Variants in ETV3 observed in about 807,000 individuals in gnomAD.
ETV3 encodes the protein ETS translocation variant 3.
Under a neutral mutation model 33.0 loss-of-function variants are expected in ETV3, and 8 were observed. That is an observed-to-expected ratio of 0.24 (90% CI 0.14 to 0.44). ETV3 has a LOEUF of 0.44. ETV3 is among the 20% of genes least tolerant of loss of function. The pLI, the probability that ETV3 is intolerant of heterozygous loss-of-function variation, is 1.00. For missense variants in ETV3, 473 were observed against 652.3 expected, an observed-to-expected ratio of 0.73 and a Z score of 2.99; for synonymous variants, 222 against 238.9, an observed-to-expected ratio of 0.93 and a Z score of 0.65.
rs778942288 is a variant in ETV3, at chr1:157,123,627, T to C, written c.*1214A>G. 5 of 152,230 alleles carry C rather than the reference T, an allele frequency of 3.3e-5. No individual in the cohort carries two copies. Among genetic ancestry groups the C allele is most frequent in the Non-Finnish European group, 2.9e-5 (2 of 68,046 alleles). The allele number at this position is 152,230 out of a possible 1,614,324, so 9.4% of individuals were successfully genotyped here. A position where few individuals can be genotyped will look rare whatever the true frequency, so the allele number is the denominator to read the frequency against. Reference sequence around the variant, plus strand: ...CTACCTCCCATGTTTCCAGGTATCATTGGCTCTTAACTCCCACAAGCCTGC... The same window carrying C: ...CTACCTCCCATGTTTCCAGGTATCACTGGCTCTTAACTCCCACAAGCCTGC... On this transcript the variant is annotated 3_prime_UTR_variant, in exon 5 of 5. Coordinates refer to ENST00000368192, the MANE Select transcript of ETV3 (RefSeq NM_001145312.3).
At chr1:157,132,438 C>A (rs1674989408) in intron 4 of ETV3, among the ~76,000 whole-genome samples, 2 of 152,200 alleles carry the variant, frequency 1.3e-5, no homozygotes, top group African/African-American at 4.8e-5. Context: ...ATGCCCCATT[C>A]TAGGTTGTCC....
chr1:157,135,533 G>A lies in ETV3; in HGVS notation c.222C>T (p.Arg74=), dbSNP rs1675085349. Reference sequence around the variant, plus strand: ...GTTTGCATTTCCTGCGGCCCCAGAGGCGGGCCACCTCATCTGGATCCTTGA... The same window carrying A: ...GTTTGCATTTCCTGCGGCCCCAGAGACGGGCCACCTCATCTGGATCCTTGA... The part of the protein sequence containing the change: ...FVIKDPDEVA[R]LWGRRKCKPQ... The change falls in exon 3 of 5, where the codon CGC becomes CGT. Residue 74 remains arginine (R), a synonymous_variant. Coordinates refer to ENST00000368192, the MANE Select transcript of ETV3 (RefSeq NM_001145312.3). The A allele has an allele frequency of 3.7e-6, 6 of 1,613,994 alleles. No individual in the cohort carries two copies. Among genetic ancestry groups the A allele is most frequent in the Non-Finnish European group, 5.1e-6 (6 of 1,179,928 alleles).
chr1:157,133,795 C>T, intron 4 of ETV3: 1 of 1,086,186 alleles, frequency 9.2e-7, no homozygotes, highest in Non-Finnish European at 1.1e-6. Context: ...AAAACTGAGT[C>T]CTGAACGTAA....
At chr1:157,127,801 C>G (rs1430252335) in intron 4 of ETV3, among the ~76,000 whole-genome samples, 1 of 152,136 alleles carries the variant, frequency 6.6e-6, no homozygotes, top group African/African-American at 2.4e-5. Context: ...CTTGCTTCAG[C>G]CTCCCAAAGT....
At chr1:157,137,345 C>T (rs778817640) in intron 1 of ETV3, among the ~76,000 whole-genome samples, 7 of 152,030 alleles carry the variant, frequency 4.6e-5, no homozygotes, top group Non-Finnish European at 8.8e-5. Context: ...CGCGTAGGGA[C>T]AAATTCCTTA....
chr1:157,132,936 T>C (rs574981023), intron 4 of ETV3, among the ~76,000 whole-genome samples: 68 of 152,334 alleles, frequency 4.5e-4, no homozygotes, highest in Admixed American at 7.8e-4. Context: ...TCAGGTTTCT[T>C]CCAGCTTTTC....
In ETV3 at chr1:157,125,865, C is replaced by G. The variant is rs1342004552; in HGVS notation, c.515G>C (p.Ser172Thr). ...NDVQPGRFSASSLTASGQESS... is the reference protein window; with the variant it reads ...NDVQPGRFSATSLTASGQESS... The stretch of plus-strand genomic sequence containing the variant: ...CTCCTGGCCAGAAGCAGTTAGGGAG[C>G]TAGCAGAGAACCGTCCCGGCTGCAC... The change falls in exon 5 of 5, where the codon AGC becomes ACC. Residue 172 changes from serine (S) to threonine (T), a missense_variant. Physicochemically the swap from Ser to Thr is moderately conservative, Grantham distance 58. Transcript: ENST00000368192. This position sits in a 1 kb window ranked among gnomAD's most constrained non-coding sequence, Gnocchi z 4.0. 1.3e-6 allele frequency: 2 copies of G among 1,551,632 alleles called. No homozygotes were observed. The highest frequency in any genetic ancestry group is 1.4e-5 in the African/African-American group (1 of 73,042).
intron 4 of ETV3, among the ~76,000 whole-genome samples, chr1:157,130,843 G>A (rs546733259): frequency 2.2e-3 from 329 of 152,148 alleles, no homozygotes; most frequent in African/African-American, 6.8e-3. Flanking sequence ...ACTGTCATTC[G>A]AATACGGACT....
At chr1:157,135,196 T>C (rs940226324) in intron 3 of ETV3, 1 of 565,278 alleles carries the variant, frequency 1.8e-6, no homozygotes, top group African/African-American at 1.9e-5. Context: ...CACCATATAC[T>C]CTCGCCCACT....
In ETV3 at chr1:157,122,106, G is replaced by GA. The variant is rs1417089687; in HGVS notation, c.*2734dup. 4 of 152,274 alleles carry GA rather than the reference G, an allele frequency of 2.6e-5. No homozygotes were observed. The East Asian group carries it at 7.7e-4, about 29-fold the overall frequency. 9.4% of individuals were successfully genotyped at this position (152,274 alleles called of 1,614,324 possible). A position where few individuals can be genotyped will look rare whatever the true frequency, so the allele number is the denominator to read the frequency against. The stretch of plus-strand genomic sequence containing the variant: ...AGCAAAATTTGGAAAAAATGGGGGA[G>GA]AAAAAATAGGTCTGGTTGTTGTCCC... On this transcript the variant is annotated 3_prime_UTR_variant, in exon 5 of 5. Coordinates refer to ENST00000368192, the MANE Select transcript of ETV3 (RefSeq NM_001145312.3).
intron 4 of ETV3, 170 bp downstream of exon 4, chr1:157,133,942 A>G (rs1457067296): frequency 1.4e-6 from 2 of 1,441,650 alleles, no homozygotes; most frequent in East Asian, 5.0e-5. Flanking sequence ...ATAGCCTATA[A>G]CTCTCCTTAT....
chr1:157,124,757 C>CA lies in ETV3; in HGVS notation c.*83_*84insT. 1 of 240,814 alleles carries CA rather than the reference C, an allele frequency of 4.2e-6. No homozygotes were observed. Among genetic ancestry groups the CA allele is most frequent in the East Asian group, 1.1e-4 (1 of 9,236 alleles). The allele number at this position is 240,814 out of a possible 1,614,324, so 14.9% of individuals were successfully genotyped here. On this transcript the variant is annotated 3_prime_UTR_variant, in exon 5 of 5. Coordinates refer to ENST00000368192, the MANE Select transcript of ETV3 (RefSeq NM_001145312.3). Reference sequence around the variant, plus strand: ...AGAATGATCAAACCAGTTTAACTCCCTCCCCCCCACCCTGAAATCTTGCTA... The same window carrying CA: ...AGAATGATCAAACCAGTTTAACTCCCATCCCCCCCACCCTGAAATCTTGCTA...
In ETV3 at chr1:157,121,218, TTC is replaced by T. The variant is rs1250183012; in HGVS notation, c.*3621_*3622del. The T allele has an allele frequency of 3.3e-5, 5 of 152,108 alleles. No individual in the cohort carries two copies. The East Asian group carries it at 9.6e-4, about 29-fold the overall frequency. 9.4% of individuals were successfully genotyped at this position (152,108 alleles called of 1,614,324 possible). A position where few individuals can be genotyped will look rare whatever the true frequency, so the allele number is the denominator to read the frequency against. ...ACTTAAAAGTATTTTTTTATTTAAT[TTC>T]TGAGGTAAAATACTTTTTTCTTTCA... On this transcript the variant is annotated 3_prime_UTR_variant, in exon 5 of 5. Transcript: ENST00000368192.
Position 157,136,360 on chromosome 1 carries a change from C to G in ETV3, c.-8G>C. ...GCTACAGCCGGCTTTCATTTTCACC[C>G]GCCTGCTGAGAGACACAAGCCACAC... On this transcript the variant is annotated 5_prime_UTR_variant, in exon 2 of 5. Coordinates refer to ENST00000368192, the MANE Select transcript of ETV3 (RefSeq NM_001145312.3). 6.2e-7 allele frequency: 1 copy of G among 1,607,682 alleles called. No individual in the cohort carries two copies. Among genetic ancestry groups the G allele is most frequent in the Non-Finnish European group, 8.5e-7 (1 of 1,177,504 alleles).
intron 4 of ETV3, among the ~76,000 whole-genome samples, chr1:157,127,363 T>A (rs534902321): frequency 6.6e-5 from 10 of 152,354 alleles, no homozygotes; most frequent in Non-Finnish European, 1.3e-4. Flanking sequence ...CAAATATTTT[T>A]CAATCTCTCC....
At chr1:157,128,861 C>T (rs1017029769) in intron 4 of ETV3, among the ~76,000 whole-genome samples, 5 of 152,166 alleles carry the variant, frequency 3.3e-5, no homozygotes, top group East Asian at 1.9e-4. Flanking sequence ...GGAATTTTAA[C>T]GGTAATTCCG....
rs1674763756 is a variant in ETV3 at position 157,123,990 on chromosome 1, G to A, written c.*851C>T. 6.6e-6 allele frequency: 1 copy of A among 151,972 alleles called. No individual in the cohort carries two copies. Among genetic ancestry groups the A allele is most frequent in the South Asian group, 2.1e-4 (1 of 4,820 alleles). 9.4% of individuals were successfully genotyped at this position (151,972 alleles called of 1,614,324 possible). ...ATCTGTTTTGTATTTAAAGGCATTG[G>A]GTTACTTCCTCCTGCCCTCTTTTCT... On this transcript the variant is annotated 3_prime_UTR_variant, in exon 5 of 5. Transcript: ENST00000368192.
rs1008335870 is a variant in ETV3, at chr1:157,125,240, G to A, written c.1140C>T (p.Ile380=). ...TPTMASIPPR[I]KVEPASEKDP... ...CCTTTTCAGAGGCAGGTTCCACCTTGATTCTTGGGGGAATAGAAGCCATGG... is the reference window on the plus strand; with the variant it reads ...CCTTTTCAGAGGCAGGTTCCACCTTAATTCTTGGGGGAATAGAAGCCATGG... The change falls in exon 5 of 5, where the codon ATC becomes ATT. Residue 380 remains isoleucine (I), a synonymous_variant. Coordinates refer to ENST00000368192, the MANE Select transcript of ETV3 (RefSeq NM_001145312.3). The surrounding 1 kb of genome is among the most constrained non-coding windows in gnomAD (Gnocchi z 4.0). The A allele has an allele frequency of 6.4e-7, 1 of 1,552,130 alleles. No individual in the cohort carries two copies. The highest frequency in any genetic ancestry group is 8.7e-7 in the Non-Finnish European group (1 of 1,147,110).
intron 4 of ETV3, among the ~76,000 whole-genome samples, chr1:157,132,108 G>A (rs1180679376): frequency 3.3e-5 from 5 of 152,190 alleles, no homozygotes; most frequent in Non-Finnish European, 7.3e-5. Context: ...GACTACAGGT[G>A]ACTGCCACCT....
Sources: gnomAD v4.1 joint callset for allele counts (sites outside exome capture counted in the v4.1 genomes callset) on GRCh38, gnomAD v4.1.1 for gene constraint, Gnocchi (gnomAD v3.1) non-coding constraint, MANE v1.5 for transcripts, NCBI Gene and HGNC (gene_info 2026-07-23, HGNC 2026-07-21) for gene names.